The following MYO7A variants were observed in gnomAD, a reference collection of about 807,000 sequenced individuals.
MYO7A encodes the protein unconventional myosin-VIIa.
Under a neutral mutation model 263.8 loss-of-function variants are expected in MYO7A, and 210 were observed. The observed-to-expected ratio is 0.80, with a 90% CI of 0.71 to 0.89. The LOEUF (loss-of-function observed/expected upper bound fraction) is 0.89, where lower values mean the gene tolerates loss of function less well. MYO7A is among the 40% of genes least tolerant of loss of function. MYO7A has a pLI of 0.00. For missense variants in MYO7A, 2,820 were observed against 2,968.3 expected, an observed-to-expected ratio of 0.95 and a Z score of 1.16; for synonymous variants, 1,239 against 1,197.3, an observed-to-expected ratio of 1.03 and a Z score of -0.72.
intron 2 of MYO7A, among the ~76,000 whole-genome samples, chr11:77,141,659 G>A (rs1199774869): frequency 6.6e-6 from 1 of 152,202 alleles, no homozygotes; most frequent in Non-Finnish European, 1.5e-5. Context: ...CCTCCTGGCT[G>A]TTCCTTTCTG....
At chr11:77,183,904 T>C (rs1893759) in intron 26 of MYO7A, among the ~76,000 whole-genome samples, 69,071 of 151,630 alleles carry the variant, frequency 0.46, 16,010 homozygotes, top group Non-Finnish European at 0.47. Context: ...GAATCCCACC[T>C]CTGCCGCTTA....
In MYO7A at chr11:77,130,655, C is replaced by G; in HGVS notation, c.18+3C>G. 1 of 1,613,212 alleles carries G rather than the reference C, an allele frequency of 6.2e-7. No individual in the cohort carries two copies. The highest frequency in any genetic ancestry group is 1.1e-5 in the South Asian group (1 of 90,692). The stretch of plus-strand genomic sequence containing the variant: ...GGACCATGGTGATTCTTCAGCAGGT[C>G]AGTGTTCCCACCTCTTTGGGTGGCC... On this transcript the variant is annotated splice_donor_region_variant and intron_variant, in intron 2 of 48. Coordinates refer to ENST00000409709, the MANE Select transcript of MYO7A (RefSeq NM_000260.4).
intron 35 of MYO7A, among the ~76,000 whole-genome samples, chr11:77,200,160 CT>C (rs1026571206): frequency 6.6e-6 from 1 of 151,900 alleles, no homozygotes; most frequent in African/African-American, 2.4e-5. Flanking sequence ...AGTCATAGCT[CT>C]TCAGGAGGCT....
Position 77,201,557 on chromosome 11 carries a change from G to A in MYO7A, c.4962G>A (p.Glu1654=). The part of the protein sequence containing the change: ...MNSGWANGIN[E]RTKQRGDFPT... ...CGGGCTGGGCCAACGGCATCAATGA[G>A]AGGACCAAGCAGCGTGGGGACTTCC... Residue 1654 remains glutamate (E), a synonymous_variant, in exon 36 of 49, where the codon GAG becomes GAA. Transcript: ENST00000409709. 1 of 1,613,938 alleles carries A rather than the reference G, an allele frequency of 6.2e-7. No homozygotes were observed.
chr11:77,197,491 C>A lies in MYO7A; in HGVS notation c.4334C>A (p.Ala1445Asp), dbSNP rs768022780. ...AIAAHKKGIY[A>D]QRRTDAQKVK... Reference sequence around the variant, plus strand: ...CCTCTCTCCTTCCAGGGGATTTATGCCCAGAGGAGAACTGATGCCCAGAAG... The same window carrying A: ...CCTCTCTCCTTCCAGGGGATTTATGACCAGAGGAGAACTGATGCCCAGAAG... The change falls in exon 33 of 49, where the codon GCC becomes GAC. Residue 1445 changes from alanine to aspartate, a missense_variant. Transcript: ENST00000409709. 29 of 1,597,824 alleles carry A rather than the reference C, an allele frequency of 1.8e-5. No homozygotes were observed. The East Asian group carries it at 6.3e-4, about 35-fold the overall frequency.
intron 2 of MYO7A, among the ~76,000 whole-genome samples, chr11:77,131,470 A>G (rs1344259421): frequency 6.6e-6 from 1 of 152,220 alleles, no homozygotes; most frequent in Non-Finnish European, 1.5e-5. Flanking sequence ...GCATCAGGAC[A>G]GACATTCTTC....
chr11:77,137,340 C>T (rs1238659443), intron 2 of MYO7A, among the ~76,000 whole-genome samples: 1 of 152,064 alleles, frequency 6.6e-6, no homozygotes, highest in Admixed American at 6.5e-5. Flanking sequence ...GTTGCCATTC[C>T]CCCCACCCAG....
At chr11:77,186,060 C>T (rs1324417062) in intron 27 of MYO7A, among the ~76,000 whole-genome samples, 1 of 151,868 alleles carries the variant, frequency 6.6e-6, no homozygotes, top group Non-Finnish European at 1.5e-5. Context: ...GTGGCTGGGA[C>T]TACAGGTGCC....
At position 77,162,898 on chromosome 11, in the gene MYO7A, C is replaced by G. The variant is rs375350389; in HGVS notation, c.1600C>G (p.Leu534Val). 1.2e-6 allele frequency: 2 copies of G among 1,613,704 alleles called. No individual in the cohort carries two copies. The highest frequency in any genetic ancestry group is 2.7e-5 in the African/African-American group (2 of 74,848). The change falls in exon 14 of 49, where the codon CTC (leucine) becomes GTC (valine). Residue 534 changes from leucine (L) to valine (V), a missense_variant. Coordinates refer to ENST00000409709, the MANE Select transcript of MYO7A (RefSeq NM_000260.4). ...MLHKLNSQHK[L>V]NANYIPPKNN... is the part of the protein sequence containing the mutation. ...ACACAAGCTGAACTCCCAGCACAAG[C>G]TCAACGCCAACTACATCCCCCCCAA...
chr11:77,197,110 C>T (rs1956720735), intron 32 of MYO7A, among the ~76,000 whole-genome samples: 1 of 152,178 alleles, frequency 6.6e-6, no homozygotes, highest in African/African-American at 2.4e-5. Context: ...TCTGCCCTGC[C>T]CACGCCTCTG....
At chr11:77,184,951 G>A (rs890531953) in intron 27 of MYO7A, 3 of 747,700 alleles carry the variant, frequency 4.0e-6, no homozygotes, top group African/African-American at 3.5e-5. Context: ...AGGTTCAGTT[G>A]AAGGCCACAG....
intron 15 of MYO7A, among the ~76,000 whole-genome samples, chr11:77,169,020 A>G (rs1393916796): frequency 6.6e-6 from 1 of 152,262 alleles, no homozygotes; most frequent in Non-Finnish European, 1.5e-5. Context: ...TAAACGTCAC[A>G]TCTTAGGAAA....
intron 25 of MYO7A, 79 bp from the exon 26 acceptor site, chr11:77,182,989 C>A: frequency 1.6e-6 from 2 of 1,231,816 alleles, no homozygotes; most frequent in Non-Finnish European, 1.2e-6. Flanking sequence ...GAGACGGTTC[C>A]CCGCAAAGTC....
intron 31 of MYO7A, 93 bp from the exon 32 acceptor site, chr11:77,194,261 G>A (rs1399486095): frequency 2.1e-6 from 3 of 1,421,902 alleles, no homozygotes; most frequent in South Asian, 1.2e-5. Flanking sequence ...ACAGGAGGCA[G>A]GGCCAGGAGA....
In MYO7A at chr11:77,175,441, G is replaced by A. The variant is rs1954557651; in HGVS notation, c.2164G>A (p.Gly722Ser). 6 of 1,613,272 alleles carry A rather than the reference G, an allele frequency of 3.7e-6. No individual in the cohort carries two copies. The highest frequency in any genetic ancestry group is 5.1e-6 in the Non-Finnish European group (6 of 1,179,908). ...GGGCACCCACGATGACTGGCAGATA[G>A]GCAAAACCAAGATCTTTCTGAAGGT... ...VLGTHDDWQIGKTKIFLKDHH... is the reference protein window; with the variant it reads ...VLGTHDDWQISKTKIFLKDHH... The change falls in exon 18 of 49, where the codon GGC becomes AGC. Residue 722 changes from glycine (G) to serine (S), a missense_variant. Physicochemically the swap from Gly to Ser is moderately conservative, Grantham distance 56. Transcript: ENST00000409709.
In MYO7A at chr11:77,192,105, G is replaced by A. The variant is rs373169422; in HGVS notation, c.3979G>A (p.Glu1327Lys). ...DHVMDAISQC[E>K]QYAKEQGAQE... is the part of the protein sequence containing the mutation. ...CGTCATGGACGCCATCTCCCAGTGC[G>A]AGCAGTACGCCAAGGAGCAGGGCGC... The change falls in exon 31 of 49, where the codon GAG becomes AAG. Residue 1327 changes from glutamate to lysine, a missense_variant. Physicochemically the swap from Glu to Lys is moderately conservative, Grantham distance 56. Coordinates refer to ENST00000409709, the MANE Select transcript of MYO7A (RefSeq NM_000260.4). 2.7e-5 allele frequency: 44 copies of A among 1,613,906 alleles called. No homozygotes were observed. Among genetic ancestry groups the A allele is most frequent in the Non-Finnish European group, 3.2e-5 (38 of 1,179,896 alleles).
At position 77,147,966 on chromosome 11, in the gene MYO7A, C is replaced by A. The variant is rs571929907; in HGVS notation, c.285+16C>A. 28 of 1,530,518 alleles carry A rather than the reference C, an allele frequency of 1.8e-5. No individual in the cohort carries two copies. The African/African-American group carries it at 2.9e-4, about 16-fold the overall frequency. 94.8% of individuals were successfully genotyped at this position (1,530,518 alleles called of 1,614,324 possible). On this transcript the variant is annotated intron_variant, in intron 4 of 48. Transcript: ENST00000409709. ...CCTCATCTACGTGAGTGCCGCCCCG[C>A]CCGGTGCCCGTCCAGGCCCCCTCAG... is the stretch of plus-strand genomic sequence containing the variant.
intron 38 of MYO7A, among the ~76,000 whole-genome samples, chr11:77,203,594 T>G (rs1957228777): frequency 6.6e-6 from 1 of 152,044 alleles, no homozygotes; most frequent in African/African-American, 2.4e-5. Flanking sequence ...GAGGAAGTGG[T>G]ATCTAGGCTG....
intron 12 of MYO7A, 36 bp from the exon 13 acceptor site, chr11:77,162,084 G>A: frequency 6.4e-7 from 1 of 1,559,756 alleles, no homozygotes; most frequent in Non-Finnish European, 8.7e-7. Context: ...GGTGGGGCCT[G>A]AACAACACCC....
Sources: allele counts gnomAD v4.1 joint callset (sites outside exome capture counted in the v4.1 genomes callset), GRCh38; gene constraint gnomAD v4.1.1; transcripts MANE v1.5; gene names NCBI Gene and HGNC (gene_info 2026-07-23, HGNC 2026-07-21).